ARHGEF10: variants seen among roughly 807,000 people sequenced by gnomAD.
The protein encoded by ARHGEF10 is Rho guanine nucleotide exchange factor (GEF) 10.
ARHGEF10 carries 140 observed loss-of-function variants against 147.4 expected under a neutral mutation model. The ratio of observed to expected loss-of-function variants is 0.95; its 90% CI spans 0.83 to 1.09. The LOEUF is 1.09. Among genes scored for constraint, ARHGEF10 ranks in the 50% least tolerant of loss-of-function variants. The pLI is 0.00. For missense variants in ARHGEF10, 2,222 were observed against 1,752.7 expected (o/e 1.27, Z -4.78); for synonymous variants, 902 against 695.8 (o/e 1.30, Z -4.67).
chr8:1,887,929 G>T (rs1035953777), intron 11 of ARHGEF10, among the ~76,000 whole-genome samples: 2 of 150,618 alleles, frequency 1.3e-5, no homozygotes, highest in African/African-American at 4.9e-5. Context: ...GGGTCATCAG[G>T]AGACAGTGAT....
rs759503562 is a variant in ARHGEF10 at position 1,858,032 on chromosome 8, A to G, written c.110A>G (p.Asp37Gly). The change falls in exon 3 of 29, where the codon GAT becomes GGT. Residue 37 changes from aspartate (D) to glycine (G), a missense_variant. By Grantham distance (94) the Asp-to-Gly change is moderately conservative. Coordinates refer to ENST00000349830, the MANE Select transcript of ARHGEF10 (RefSeq NM_014629.4). ...GAACAGTTCGATTTTGACAGTGGAG[A>G]TGAAATCCCAGAAGCGGACAGACAG... is the stretch of plus-strand genomic sequence containing the variant. Reference protein sequence around the residue: ...EGEQFDFDSGDEIPEADRQAP... With the variant: ...EGEQFDFDSGGEIPEADRQAP... The G allele has an allele frequency of 3.1e-6, 5 of 1,614,040 alleles. No individual in the cohort carries two copies. The African/African-American group carries it at 5.3e-5, about 17-fold the overall frequency.
intron 11 of ARHGEF10, among the ~76,000 whole-genome samples, chr8:1,888,791 A>AGGGTGAGGT (rs1809058578): frequency 3.0e-5 from 1 of 33,428 alleles, no homozygotes; most frequent in Non-Finnish European, 5.8e-5. Flanking sequence ...TGGGGTGAGT[A>AGGGTGAGGT]TTGTGAGGAG....
intron 2 of ARHGEF10, among the ~76,000 whole-genome samples, chr8:1,848,474 C>T (rs1437788198): frequency 6.6e-6 from 1 of 152,128 alleles, no homozygotes; most frequent in East Asian, 1.9e-4. Flanking sequence ...AATAACACAG[C>T]AGGATGGGAG....
chr8:1,869,112 CG>C, intron 6 of ARHGEF10, 81 bp from the exon 7 acceptor site: 1 of 1,239,038 alleles, frequency 8.1e-7, no homozygotes, highest in South Asian at 1.2e-5. Flanking sequence ...ATGACATCAT[CG>C]GCGACTGTGG....
At chr8:1,918,116 C>G (rs932461348) in intron 18 of ARHGEF10, among the ~76,000 whole-genome samples, 1 of 152,158 alleles carries the variant, frequency 6.6e-6, no homozygotes, top group African/African-American at 2.4e-5. Context: ...CAATTTTGGC[C>G]TGAAAATCAA....
chr8:1,876,882 A>T, intron 8 of ARHGEF10, 148 bp downstream of exon 8: 1 of 884,014 alleles, frequency 1.1e-6, no homozygotes, highest in Non-Finnish European at 1.8e-6. Context: ...ATATTGGCAA[A>T]GGAGAAGACG....
At chr8:1,939,630 C>G (rs1373813242) in intron 26 of ARHGEF10, among the ~76,000 whole-genome samples, 2 of 152,246 alleles carry the variant, frequency 1.3e-5, no homozygotes, top group African/African-American at 2.4e-5. Context: ...GCCCATGTGG[C>G]TAGCTGGTCG....
intron 16 of ARHGEF10, 123 bp from the exon 17 acceptor site, chr8:1,905,448 C>T (rs566735479): frequency 1.5e-5 from 19 of 1,236,122 alleles, no homozygotes; most frequent in East Asian, 2.3e-5. Context: ...AACATAGGAA[C>T]GATTTCCGTA....
Position 1,933,836 on chromosome 8 carries a change from A to G in ARHGEF10, c.3116A>G (p.Lys1039Arg), listed in dbSNP as rs573337230. ...SWDSEPQKVI[K>R]LGVLPVRSLL... ...GATTCAGAACCTCAAAAAGTGATCA[A>G]GTTAGGCGTCCTACCAGTTAGAAGT... is the stretch of plus-strand genomic sequence containing the variant. The change falls in exon 26 of 29, where the codon AAG becomes AGG. Residue 1039 changes from lysine to arginine, a missense_variant. By Grantham distance (26) the Lys-to-Arg change is conservative (BLOSUM62 2). Coordinates refer to ENST00000349830, the MANE Select transcript of ARHGEF10 (RefSeq NM_014629.4). 16 of 1,614,112 alleles carry G rather than the reference A, an allele frequency of 9.9e-6. No individual in the cohort carries two copies. Among genetic ancestry groups the G allele is most frequent in the African/African-American group, 4.0e-5 (3 of 74,944 alleles).
chr8:1,852,009 C>G (rs899068762), intron 2 of ARHGEF10, among the ~76,000 whole-genome samples: 1 of 152,014 alleles, frequency 6.6e-6, no homozygotes, highest in East Asian at 1.9e-4. Flanking sequence ...GGTGTGGGGA[C>G]GGCTCTCAGG....
At chr8:1,908,554 A>G (rs1019675745) in intron 17 of ARHGEF10, among the ~76,000 whole-genome samples, 1 of 152,156 alleles carries the variant, frequency 6.6e-6, no homozygotes, top group Admixed American at 6.5e-5. Context: ...TTTAACGGCA[A>G]TATCTTGAAG....
At chr8:1,905,331 C>A (rs531211861) in intron 16 of ARHGEF10, among the ~76,000 whole-genome samples, 40 of 152,130 alleles carry the variant, frequency 2.6e-4, no homozygotes, top group Non-Finnish European at 5.0e-4. Context: ...AAAACAATTC[C>A]TTGCATTCCT....
rs1285079082 is a variant in ARHGEF10, at chr8:1,922,787, T to A, written c.2144-177T>A. Among the ~76,000 whole-genome samples the A allele has an allele frequency of 2.6e-5, 4 of 152,292 alleles. No homozygotes were observed. The East Asian group carries it at 7.7e-4, about 29-fold the overall frequency. Reference sequence around the variant, plus strand: ...TTTTCCATCTAAAATTATTTCCAAATAAGTGTTAGAAAAGGAAAAACCACT... The same window carrying A: ...TTTTCCATCTAAAATTATTTCCAAAAAAGTGTTAGAAAAGGAAAAACCACT... On this transcript the variant is annotated intron_variant, in intron 18 of 28. Coordinates refer to ENST00000349830, the MANE Select transcript of ARHGEF10 (RefSeq NM_014629.4).
intron 9 of ARHGEF10, among the ~76,000 whole-genome samples, chr8:1,881,716 G>A (rs1458707108): frequency 1.3e-5 from 2 of 152,306 alleles, no homozygotes; most frequent in Non-Finnish European, 2.9e-5. Context: ...GGCAGACACG[G>A]CCAGGGCTAC....
intron 22 of ARHGEF10, among the ~76,000 whole-genome samples, chr8:1,925,929 C>T (rs1812655547): frequency 1.3e-5 from 2 of 152,224 alleles, no homozygotes; most frequent in South Asian, 4.1e-4. Flanking sequence ...GATGTTTCTT[C>T]TCACCCTGGT....
intron 18 of ARHGEF10, among the ~76,000 whole-genome samples, chr8:1,915,128 C>T (rs956873115): frequency 6.6e-6 from 1 of 152,138 alleles, no homozygotes; most frequent in African/African-American, 2.4e-5. Context: ...TCCCTTCGTA[C>T]AGACAACATC....
chr8:1,885,732 G>T (rs377465765), intron 11 of ARHGEF10, 25 bp downstream of exon 11: 2 of 1,523,974 alleles, frequency 1.3e-6, no homozygotes, highest in East Asian at 2.3e-5. Context: ...GCTGACAGGG[G>T]CTGTTGACCA....
At chr8:1,942,432 A>G (rs904530273) in intron 26 of ARHGEF10, among the ~76,000 whole-genome samples, 3 of 151,874 alleles carry the variant, frequency 2.0e-5, no homozygotes, top group African/African-American at 7.3e-5. Flanking sequence ...CTAGGATGGC[A>G]GGAATAATAA....
intron 4 of ARHGEF10, among the ~76,000 whole-genome samples, chr8:1,863,987 C>T (rs1240635283): frequency 6.6e-6 from 1 of 152,128 alleles, no homozygotes; most frequent in South Asian, 2.1e-4. Flanking sequence ...CTCCTGTGGA[C>T]ACATGGAGTG....
Sources: allele counts gnomAD v4.1 joint callset (sites outside exome capture counted in the v4.1 genomes callset), GRCh38; gene constraint gnomAD v4.1.1; transcripts MANE v1.5; gene names NCBI Gene and HGNC (gene_info 2026-07-23, HGNC 2026-07-21).